DAB1: variants seen among roughly 807,000 people sequenced by gnomAD.
DAB1 encodes the protein DAB adaptor protein 1, also known as disabled homolog 1.
Under a neutral mutation model 64.6 loss-of-function variants are expected in DAB1, and 15 were observed. The observed-to-expected ratio is 0.23, with a 90% CI of 0.16 to 0.36. DAB1 has a LOEUF of 0.36. DAB1 is among the 10% of genes least tolerant of loss of function. The pLI, the probability that DAB1 is intolerant of heterozygous loss-of-function variation, is 1.00. For synonymous variants in DAB1, 235 were observed against 251.9 expected, an observed-to-expected ratio of 0.93 and a Z score of 0.64; for missense variants, 596 against 706.7, an observed-to-expected ratio of 0.84 and a Z score of 1.78.
intron 7 of DAB1, among the ~76,000 whole-genome samples, chr1:57,529,062 C>A (rs1014106110): frequency 2.0e-5 from 3 of 151,698 alleles, no homozygotes; most frequent in Non-Finnish European, 2.9e-5. Context: ...AAATACATGA[C>A]AATAGATCAC....
chr1:57,972,585 T>C (rs1310183723), intron 5 of DAB1, among the ~76,000 whole-genome samples: 2 of 152,150 alleles, frequency 1.3e-5, no homozygotes, highest in Non-Finnish European at 2.9e-5. Flanking sequence ...GCTTAGATGT[T>C]GGGAAACAAC....
At chr1:57,678,763 T>TTTG (rs1570730247) in intron 6 of DAB1, among the ~76,000 whole-genome samples, 1 of 148,456 alleles carries the variant, frequency 6.7e-6, no homozygotes, top group Admixed American at 6.7e-5. Flanking sequence ...AGGCAACTGT[T>TTTG]TTTTGTTTTT....
At chr1:57,010,655 G>T (rs769204679) in intron 14 of DAB1, 25 bp downstream of exon 14, 2 of 1,298,128 alleles carry the variant, frequency 1.5e-6, no homozygotes, top group South Asian at 3.1e-5. Flanking sequence ...TAAGGGTAAA[G>T]GAGATAAAAA....
rs1049058578 is a variant in DAB1 at position 58,218,989 on chromosome 1, TTCTC to T, written n.310-68405_310-68402del. ...GAGTAATCCCCCATAATTCTGGCCA[TTCTC>T]TCTCTCTCTCTCTCTCTCTCTCTCT... On this transcript the variant is annotated intron_variant and non_coding_transcript_variant, in intron 4 of 20. Coordinates refer to the DAB1 transcript ENST00000485760. 2.5e-3 allele frequency among the ~76,000 whole-genome samples: 313 copies of T among 125,898 alleles called. 2 individuals are homozygous for T. Among genetic ancestry groups the T allele is most frequent in the African/African-American group, 6.7e-3 (201 of 30,114 alleles). The allele number at this position is 125,898 out of a possible 152,430, so 82.6% of individuals were successfully genotyped here.
chr1:57,781,715 A>G (rs1025167698), intron 6 of DAB1, among the ~76,000 whole-genome samples: 2 of 7,972 alleles, frequency 2.5e-4, no homozygotes, highest in African/African-American at 6.3e-4. Flanking sequence ...GCAATTGAGA[A>G]AAAAAAAAAA....
At chr1:58,370,908 A>T (rs1051903418) in intron 3 of DAB1, among the ~76,000 whole-genome samples, 1 of 152,152 alleles carries the variant, frequency 6.6e-6, no homozygotes, top group Non-Finnish European at 1.5e-5. Flanking sequence ...ACTCAATTAA[A>T]CCTCTTTCCT....
intron 5 of DAB1, among the ~76,000 whole-genome samples, chr1:57,926,353 A>T (rs1644879620): frequency 6.6e-6 from 1 of 152,206 alleles, no homozygotes; most frequent in African/African-American, 2.4e-5. Context: ...ACTTTATCTC[A>T]TTAGCTACAC....
intron 2 of DAB1, among the ~76,000 whole-genome samples, chr1:57,178,941 A>G (rs893634915): frequency 2.6e-5 from 4 of 152,106 alleles, no homozygotes; most frequent in African/African-American, 9.7e-5. Context: ...TATGCAAAAT[A>G]CCATATTTTA....
At chr1:57,972,890 T>C (rs1645832845) in intron 5 of DAB1, among the ~76,000 whole-genome samples, 1 of 152,236 alleles carries the variant, frequency 6.6e-6, no homozygotes, top group Admixed American at 6.5e-5. Flanking sequence ...CAAACTAAGC[T>C]AGATTCTGCA....
chr1:58,106,580 C>T (rs977397084), intron 5 of DAB1, among the ~76,000 whole-genome samples: 1 of 152,198 alleles, frequency 6.6e-6, no homozygotes, highest in Non-Finnish European at 1.5e-5. Context: ...AATGAAGTGA[C>T]TTGCCAACCC....
chr1:58,292,534 G>A (rs1379812744), intron 4 of DAB1, among the ~76,000 whole-genome samples: 1 of 152,156 alleles, frequency 6.6e-6, no homozygotes, highest in Non-Finnish European at 1.5e-5. Context: ...TTCATATCTA[G>A]TGAGGAGCAG....
At chr1:57,660,605 C>A (rs1185375128) in intron 6 of DAB1, among the ~76,000 whole-genome samples, 1 of 152,232 alleles carries the variant, frequency 6.6e-6, no homozygotes, top group Non-Finnish European at 1.5e-5. Context: ...TCCCTTTACA[C>A]TGAAACACTC....
At chr1:57,683,275 T>C (rs1646657879) in intron 6 of DAB1, among the ~76,000 whole-genome samples, 1 of 152,150 alleles carries the variant, frequency 6.6e-6, no homozygotes, top group South Asian at 2.1e-4. Flanking sequence ...CTGTGTCCTC[T>C]GCCCGAGCGA....
At chr1:57,000,205 G>A (rs565380990) in intron 14 of DAB1, among the ~76,000 whole-genome samples, 9 of 151,932 alleles carry the variant, frequency 5.9e-5, no homozygotes, top group Admixed American at 2.0e-4. Flanking sequence ...CACCACGCCC[G>A]GCTAATTTTT....
intron 2 of DAB1, among the ~76,000 whole-genome samples, chr1:57,201,308 T>C (rs375693422): frequency 6.6e-6 from 1 of 152,048 alleles, no homozygotes; most frequent in African/African-American, 2.4e-5. Context: ...CTTAAGTGTG[T>C]CTACAGCCTT....
At chr1:57,932,763 T>G (rs1644971651) in intron 5 of DAB1, among the ~76,000 whole-genome samples, 1 of 152,210 alleles carries the variant, frequency 6.6e-6, no homozygotes, top group East Asian at 1.9e-4. Context: ...GATTTCCACT[T>G]TCCTTTGATT....
chr1:57,741,964 TG>T (rs537795549), intron 6 of DAB1, among the ~76,000 whole-genome samples: 20 of 152,356 alleles, frequency 1.3e-4, no homozygotes, highest in African/African-American at 4.6e-4. Context: ...TGCTATGTAT[TG>T]GATCTCCACA....
At chr1:57,788,273 G>T (rs1368226933) in intron 6 of DAB1, among the ~76,000 whole-genome samples, 1 of 152,152 alleles carries the variant, frequency 6.6e-6, no homozygotes. Flanking sequence ...AACAATGCAA[G>T]TGTCTATAGC....
chr1:58,530,581 A>G (rs1218923246), intron 1 of DAB1: 1 of 866,884 alleles, frequency 1.2e-6, no homozygotes, highest in South Asian at 1.3e-5. Context: ...GATCAATTCA[A>G]GTTATTGTCT....
Sources: allele counts gnomAD v4.1 joint callset (sites outside exome capture counted in the v4.1 genomes callset), GRCh38; gene constraint gnomAD v4.1.1; transcripts MANE v1.5; gene names NCBI Gene and HGNC (gene_info 2026-07-23, HGNC 2026-07-21).